The following MTAP variants were observed in gnomAD, a reference collection of about 807,000 sequenced individuals.
The protein encoded by MTAP is methylthioadenosine phosphorylase.
Under a neutral mutation model 33.6 loss-of-function variants are expected in MTAP, and 33 were observed. That is an observed-to-expected ratio of 0.98 (90% CI 0.74 to 1.31). The LOEUF (loss-of-function observed/expected upper bound fraction) is 1.31, where lower values mean the gene tolerates loss of function less well. Among genes scored for constraint, MTAP ranks in the 40% most tolerant of loss-of-function variants. MTAP has a pLI of 0.00. For missense variants in MTAP, 367 were observed against 360.0 expected, an observed-to-expected ratio of 1.02 and a Z score of -0.16; for synonymous variants, 148 against 125.7, an observed-to-expected ratio of 1.18 and a Z score of -1.19.
chr9:21,863,140 A>T lies in MTAP; in HGVS notation c.*1126A>T. 2 of 977,342 alleles carry T rather than the reference A, an allele frequency of 2.0e-6. No homozygotes were observed. Among genetic ancestry groups the T allele is most frequent in the African/African-American group, 3.5e-5 (2 of 57,176 alleles). 60.5% of individuals were successfully genotyped at this position (977,342 alleles called of 1,614,324 possible). On this transcript the variant is annotated 3_prime_UTR_variant, in exon 8 of 8. Transcript: ENST00000644715. The stretch of plus-strand genomic sequence containing the variant: ...CTAGGTGTTTAATAGTTTAACTGAA[A>T]GTTTAACTATTTAAAAGACTAAATG...
chr9:21,832,000 T>G (rs1440473396), intron 4 of MTAP, among the ~76,000 whole-genome samples: 1 of 152,232 alleles, frequency 6.6e-6, no homozygotes, highest in Non-Finnish European at 1.5e-5. Context: ...CTTTCCTGGC[T>G]GTGCCGTGAA....
intron 1 of MTAP, among the ~76,000 whole-genome samples, chr9:21,900,740 AC>A (rs1253240621): frequency 6.6e-6 from 1 of 152,246 alleles, no homozygotes; most frequent in African/African-American, 2.4e-5. Flanking sequence ...AGCACTATTC[AC>A]AATAGCAAAG....
rs1825854186 is a variant in MTAP at position 21,866,432 on chromosome 9, A to C, written c.*4418A>C. 1 of 152,132 alleles carries C rather than the reference A, an allele frequency of 6.6e-6. No individual in the cohort carries two copies. Among genetic ancestry groups the C allele is most frequent in the Non-Finnish European group, 1.5e-5 (1 of 68,020 alleles). 9.4% of individuals were successfully genotyped at this position (152,132 alleles called of 1,614,324 possible). A position where few individuals can be genotyped will look rare whatever the true frequency, so the allele number is the denominator to read the frequency against. On this transcript the variant is annotated 3_prime_UTR_variant, in exon 8 of 8. Coordinates refer to ENST00000644715, the MANE Select transcript of MTAP (RefSeq NM_002451.4). ...ATGGTTGGTGCTTTTTGTGTGTTCC[A>C]AGAAATCTTTGCCTACTCATTTAAT...
chr9:21,889,966 A>T (rs1226350009), intron 1 of MTAP, among the ~76,000 whole-genome samples: 7 of 152,098 alleles, frequency 4.6e-5, no homozygotes, highest in African/African-American at 1.7e-4. Context: ...CCATGTAACT[A>T]TTCAGGTTTC....
At chr9:21,910,208 C>A (rs1018043948) in intron 1 of MTAP, among the ~76,000 whole-genome samples, 1 of 151,760 alleles carries the variant, frequency 6.6e-6, no homozygotes, top group Non-Finnish European at 1.5e-5. Context: ...TTACAATGGG[C>A]CAGGCATTGT....
chr9:21,880,099 A>G (rs542243166), intron 1 of MTAP, among the ~76,000 whole-genome samples: 9 of 152,280 alleles, frequency 5.9e-5, no homozygotes, highest in South Asian at 2.1e-4. Context: ...AAATTTATAT[A>G]TTGATGGCAT....
intron 1 of MTAP, among the ~76,000 whole-genome samples, chr9:21,809,897 G>A (rs1416544973): frequency 6.6e-6 from 1 of 152,198 alleles, no homozygotes; most frequent in Non-Finnish European, 1.5e-5. Flanking sequence ...GTATGCATTA[G>A]GGAGAGTCCT....
In MTAP at chr9:21,803,048, C is replaced by T. The variant is rs968311349; in HGVS notation, c.33+267C>T. The T allele has an allele frequency of 8.9e-5, 66 of 744,528 alleles. No individual in the cohort carries two copies. The African/African-American group carries it at 1.7e-3, about 19-fold the overall frequency. The allele number at this position is 744,528 out of a possible 1,614,324, so 46.1% of individuals were successfully genotyped here. A position where few individuals can be genotyped will look rare whatever the true frequency, so the allele number is the denominator to read the frequency against. On this transcript the variant is annotated intron_variant, in intron 1 of 7. Transcript: ENST00000644715. ...CACACACACACACACCACCTTTTGG[C>T]TTATCTGCACCCGCACCCTGTAGGG...
intron 5 of MTAP, among the ~76,000 whole-genome samples, chr9:21,840,247 A>G (rs1170349107): frequency 6.6e-6 from 1 of 152,006 alleles, no homozygotes; most frequent in African/African-American, 2.4e-5. Flanking sequence ...TAAAGAAAAG[A>G]CAGGGCTAAC....
Position 21,922,091 on chromosome 9 carries a change from C to A in MTAP, c.148-8917C>A, listed in dbSNP as rs571641188. Among the ~76,000 whole-genome samples the A allele has an allele frequency of 2.6e-5, 4 of 151,992 alleles. No homozygotes were observed. Among genetic ancestry groups the A allele is most frequent in the African/African-American group, 9.7e-5 (4 of 41,446 alleles). On this transcript the variant is annotated intron_variant, in intron 1 of 1. Coordinates refer to the MTAP transcript ENST00000577563. The surrounding 1 kb of genome is among the most constrained non-coding windows in gnomAD (Gnocchi z 4.8). ...TTGAAGCCGGTGGCCAACAGCTTCCCAATAAGGAGCTGAGCAAGCAGTCTC... is the reference window on the plus strand; with the variant it reads ...TTGAAGCCGGTGGCCAACAGCTTCCAAATAAGGAGCTGAGCAAGCAGTCTC...
intron 1 of MTAP, chr9:21,809,026 A>C (rs984483985): frequency 6.6e-6 from 1 of 152,128 alleles, no homozygotes; most frequent in South Asian, 2.1e-4. Flanking sequence ...TCTCTTGCTT[A>C]TGGGGAAAAC....
intron 4 of MTAP, among the ~76,000 whole-genome samples, chr9:21,828,243 T>C (rs3927738): frequency 0.65 from 98,438 of 152,154 alleles, 32,791 homozygotes; most frequent in African/African-American, 0.82. Context: ...AAGTCTCTAA[T>C]AAGTGCCTTT....
chr9:21,862,147 G>A lies in MTAP; in HGVS notation c.*133G>A. 6.5e-7 allele frequency: 1 copy of A among 1,529,790 alleles called. No homozygotes were observed. The highest frequency in any genetic ancestry group is 8.8e-7 in the Non-Finnish European group (1 of 1,141,836). 94.8% of individuals were successfully genotyped at this position (1,529,790 alleles called of 1,614,324 possible). A position where few individuals can be genotyped will look rare whatever the true frequency, so the allele number is the denominator to read the frequency against. ...TTGCCTATCAAAGAGTATGTTGTAA[G>A]AAAGACAAGACATTGTGTGTATTAG... On this transcript the variant is annotated 3_prime_UTR_variant, in exon 8 of 8. Transcript: ENST00000644715.
chr9:21,829,356 T>C (rs1824908633), intron 4 of MTAP, among the ~76,000 whole-genome samples: 1 of 152,128 alleles, frequency 6.6e-6, no homozygotes, highest in South Asian at 2.1e-4. Flanking sequence ...CCACTACACG[T>C]TGGTTCTTTC....
intron 1 of MTAP, among the ~76,000 whole-genome samples, chr9:21,812,956 C>T (rs1320956085): frequency 1.3e-5 from 2 of 152,200 alleles, no homozygotes; most frequent in African/African-American, 2.4e-5. Flanking sequence ...CTATAGGGCC[C>T]ATCTTATGGT....
Position 21,865,054 on chromosome 9 carries a change from A to G in MTAP, c.*3040A>G, listed in dbSNP as rs537103125. The G allele has an allele frequency of 9.1e-6, 9 of 985,452 alleles. No homozygotes were observed. In the South Asian group the frequency reaches 3.3e-4, roughly 36 times the overall value. 61.0% of individuals were successfully genotyped at this position (985,452 alleles called of 1,614,324 possible). A position where few individuals can be genotyped will look rare whatever the true frequency, so the allele number is the denominator to read the frequency against. ...TCACGAAATGAGGAGTTCTTGCCAC[A>G]TTTGCAGAGTCCCTCCTTGATAAGG... On this transcript the variant is annotated 3_prime_UTR_variant, in exon 8 of 8. Coordinates refer to ENST00000644715, the MANE Select transcript of MTAP (RefSeq NM_002451.4).
At chr9:21,884,142 C>A (rs926665672) in intron 1 of MTAP, among the ~76,000 whole-genome samples, 1 of 152,034 alleles carries the variant, frequency 6.6e-6, no homozygotes, top group African/African-American at 2.4e-5. Context: ...TGAGAGAATT[C>A]TATTATTAGT....
intron 1 of MTAP, among the ~76,000 whole-genome samples, chr9:21,883,106 A>G (rs1818042023): frequency 6.6e-6 from 1 of 151,878 alleles, no homozygotes; most frequent in Non-Finnish European, 1.5e-5. Flanking sequence ...AGGAGAAGAT[A>G]TATGCAATAC....
intron 1 of MTAP, among the ~76,000 whole-genome samples, chr9:21,928,772 A>G (rs1230332692): frequency 6.6e-6 from 1 of 151,994 alleles, no homozygotes; most frequent in Non-Finnish European, 1.5e-5. Flanking sequence ...TCATGGGTGG[A>G]CCTCTTACCT....
Sources: gnomAD v4.1 joint callset for allele counts (sites outside exome capture counted in the v4.1 genomes callset) on GRCh38, gnomAD v4.1.1 for gene constraint, Gnocchi (gnomAD v3.1) non-coding constraint, MANE v1.5 for transcripts, NCBI Gene and HGNC (gene_info 2026-07-23, HGNC 2026-07-21) for gene names.